ARGLU1: variants seen among roughly 807,000 people sequenced by gnomAD.
ARGLU1 encodes arginine and glutamate rich 1.
Under a neutral mutation model 37.6 loss-of-function variants are expected in ARGLU1, and 9 were observed. That is an observed-to-expected ratio of 0.24 (90% confidence interval 0.14 to 0.42). The LOEUF is 0.42. ARGLU1 is among the 10% of genes least tolerant of loss of function. The pLI is 1.00. For synonymous variants in ARGLU1, 166 were observed against 138.5 expected, an observed-to-expected ratio of 1.20 and a Z score of -1.39; for missense variants, 211 against 359.2, an observed-to-expected ratio of 0.59 and a Z score of 3.34.
In ARGLU1 at chr13:106,568,053, G is replaced by C; in HGVS notation, c.-134C>G. 1 of 1,348,514 alleles carries C rather than the reference G, an allele frequency of 7.4e-7. No homozygotes were observed. The highest frequency in any genetic ancestry group is 9.7e-7 in the Non-Finnish European group (1 of 1,034,764). 83.5% of individuals were successfully genotyped at this position (1,348,514 alleles called of 1,614,324 possible). A position where few individuals can be genotyped will look rare whatever the true frequency, so the allele number is the denominator to read the frequency against. On this transcript the variant is annotated 5_prime_UTR_variant, in exon 1 of 4. Transcript: ENST00000400198. ...AAAGGTGTCGGCCAACGGACTTTATGCCTTTTCCCGGCGTCTACAGCTGCC... is the reference window on the plus strand; with the variant it reads ...AAAGGTGTCGGCCAACGGACTTTATCCCTTTTCCCGGCGTCTACAGCTGCC...
Position 106,557,236 on chromosome 13 carries a change from TA to T in ARGLU1, c.574-106del. 1 of 936,210 alleles carries T rather than the reference TA, an allele frequency of 1.1e-6. No homozygotes were observed. 58.0% of individuals were successfully genotyped at this position (936,210 alleles called of 1,614,324 possible). A position where few individuals can be genotyped will look rare whatever the true frequency, so the allele number is the denominator to read the frequency against. ...AACTTTTTTGATATGACTTACAGGG[TA>T]GCTTTATAGCTACCTTCTGTCTGAC... On this transcript the variant is annotated intron_variant, in intron 2 of 3. Transcript: ENST00000400198. The surrounding 1 kb of genome is among the most constrained non-coding windows in gnomAD (Gnocchi z 5.0).
rs1880998869 is a variant in ARGLU1, at chr13:106,567,412, C to T, written c.347+161G>A. On this transcript the variant is annotated intron_variant, in intron 1 of 3. Coordinates refer to ENST00000400198, the MANE Select transcript of ARGLU1 (RefSeq NM_018011.4). The surrounding 1 kb of genome is among the most constrained non-coding windows in gnomAD (Gnocchi z 4.3). ...CCAAGCTTTCCAAACGCCAAGCCTGCCCGCCCCGCCGCCGCCTCTCCGACC... is the reference window on the plus strand; with the variant it reads ...CCAAGCTTTCCAAACGCCAAGCCTGTCCGCCCCGCCGCCGCCTCTCCGACC... Among the ~76,000 whole-genome samples the T allele has an allele frequency of 6.6e-6, 1 of 151,998 alleles. No individual in the cohort carries two copies. The highest frequency in any genetic ancestry group is 1.5e-5 in the Non-Finnish European group (1 of 67,962).
chr13:106,557,951 A>G lies in ARGLU1; in HGVS notation c.574-820T>C. Reference sequence around the variant, plus strand: ...TGAAACTCAGAAATCCAGGGGATGCATGGTCAGGAAATAAAATTCTTCAAC... The same window carrying G: ...TGAAACTCAGAAATCCAGGGGATGCGTGGTCAGGAAATAAAATTCTTCAAC... On this transcript the variant is annotated intron_variant, in intron 2 of 3. Coordinates refer to ENST00000400198, the MANE Select transcript of ARGLU1 (RefSeq NM_018011.4). The surrounding 1 kb of genome is among the most constrained non-coding windows in gnomAD (Gnocchi z 5.0). 1 of 985,456 alleles carries G rather than the reference A, an allele frequency of 1.0e-6. No individual in the cohort carries two copies. The highest frequency in any genetic ancestry group is 1.2e-6 in the Non-Finnish European group (1 of 829,942). 61.0% of individuals were successfully genotyped at this position (985,456 alleles called of 1,614,324 possible).
intron 1 of ARGLU1, among the ~76,000 whole-genome samples, chr13:106,565,757 G>A (rs1880945522): frequency 2.0e-5 from 3 of 152,156 alleles, no homozygotes; most frequent in African/African-American, 7.2e-5. Flanking sequence ...GAGTACAGGT[G>A]GCTGCTAGTC....
intron 3 of ARGLU1, among the ~76,000 whole-genome samples, chr13:106,552,557 T>C (rs757852187): frequency 5.9e-5 from 9 of 152,178 alleles, no homozygotes; most frequent in Non-Finnish European, 1.0e-4. Flanking sequence ...TTTTATTCTA[T>C]AGCAAAATCT....
intron 3 of ARGLU1, among the ~76,000 whole-genome samples, chr13:106,547,776 G>T (rs922064568): frequency 1.5e-5 from 2 of 137,144 alleles, no homozygotes; most frequent in African/African-American, 5.5e-5. Flanking sequence ...TGGGGATTGG[G>T]TTGGGGGTAA....
chr13:106,563,863 C>G (rs762658691), intron 1 of ARGLU1, among the ~76,000 whole-genome samples: 3 of 151,630 alleles, frequency 2.0e-5, no homozygotes, highest in Admixed American at 1.3e-4. Context: ...GCCCTTAATC[C>G]GTCATCCAGT....
intron 3 of ARGLU1, among the ~76,000 whole-genome samples, chr13:106,551,295 C>T (rs1397105710): frequency 6.6e-6 from 1 of 152,162 alleles, no homozygotes; most frequent in Non-Finnish European, 1.5e-5. Flanking sequence ...GCTGCAACTT[C>T]AACACTTACT....
At chr13:106,549,268 A>T (rs1880473793) in intron 3 of ARGLU1, among the ~76,000 whole-genome samples, 1 of 152,240 alleles carries the variant, frequency 6.6e-6, no homozygotes, top group Non-Finnish European at 1.5e-5. Flanking sequence ...TGATTATAGA[A>T]ATGGATGAAA....
rs1487137211 is a variant in ARGLU1 at position 106,555,746 on chromosome 13, GGCCAA to G, written c.657+1297_657+1301del. On this transcript the variant is annotated intron_variant, in intron 3 of 3. Coordinates refer to ENST00000400198, the MANE Select transcript of ARGLU1 (RefSeq NM_018011.4). ...ATAGAGGACTGTAAGAATGCAAGGAGGCCAAGCCGTCCCTAGCTACCACAGGGTCA... is the reference window on the plus strand; with the variant it reads ...ATAGAGGACTGTAAGAATGCAAGGAGGCCGTCCCTAGCTACCACAGGGTCA... Among the ~76,000 whole-genome samples, 4 of 152,096 alleles carry G rather than the reference GGCCAA, an allele frequency of 2.6e-5. No individual in the cohort carries two copies. The East Asian group carries it at 7.7e-4, about 29-fold the overall frequency.
chr13:106,545,263 T>C (rs1880361364), intron 3 of ARGLU1, among the ~76,000 whole-genome samples: 1 of 152,196 alleles, frequency 6.6e-6, no homozygotes, highest in South Asian at 2.1e-4. Context: ...TCTAACCCTT[T>C]TTAATATCAG....
intron 1 of ARGLU1, among the ~76,000 whole-genome samples, chr13:106,563,031 C>T (rs1218996374): frequency 7.0e-6 from 1 of 142,662 alleles, no homozygotes; most frequent in Non-Finnish European, 1.5e-5. Context: ...CCACTAGTCA[C>T]ACTGAACTTT....
At position 106,543,936 on chromosome 13, in the gene ARGLU1, C is replaced by T; in HGVS notation, c.*60G>A. On this transcript the variant is annotated 3_prime_UTR_variant, in exon 4 of 4. Transcript: ENST00000400198. The stretch of plus-strand genomic sequence containing the variant: ...AAACAAAAACAAAAAACCACTTCAA[C>T]ATGAAGCTACCATACAAAGTTTTTC... 1.3e-6 allele frequency: 2 copies of T among 1,481,692 alleles called. No homozygotes were observed. The highest frequency in any genetic ancestry group is 1.8e-6 in the Non-Finnish European group (2 of 1,110,914). The allele number at this position is 1,481,692 out of a possible 1,614,324, so 91.8% of individuals were successfully genotyped here.
intron 1 of ARGLU1, among the ~76,000 whole-genome samples, chr13:106,562,847 TAAATAAA>T (rs558083154): frequency 8.3e-5 from 11 of 132,214 alleles, no homozygotes; most frequent in African/African-American, 2.1e-4. Flanking sequence ...AATAAATAAA[TAAATAAA>T]AAATAAAAAT....
At chr13:106,550,171 C>A (rs939714801) in intron 3 of ARGLU1, among the ~76,000 whole-genome samples, 3 of 152,142 alleles carry the variant, frequency 2.0e-5, no homozygotes, top group Non-Finnish European at 4.4e-5. Context: ...CTTTCCCCTG[C>A]GTCCCGGCTT....
intron 1 of ARGLU1, among the ~76,000 whole-genome samples, chr13:106,562,694 T>A (rs908733823): frequency 1.3e-5 from 2 of 152,072 alleles, no homozygotes; most frequent in African/African-American, 4.8e-5. Context: ...CTCAGGTATT[T>A]TAAAAACACT....
At chr13:106,564,251 G>A (rs930166040) in intron 1 of ARGLU1, among the ~76,000 whole-genome samples, 1 of 152,212 alleles carries the variant, frequency 6.6e-6, no homozygotes, top group Non-Finnish European at 1.5e-5. Flanking sequence ...CTGGCTCCAT[G>A]TAAGTTAGTT....
Position 106,568,110 on chromosome 13 carries a change from C to A in ARGLU1, c.-191G>T. On this transcript the variant is annotated 5_prime_UTR_variant, in exon 1 of 4. Transcript: ENST00000400198. ...GCCGCCTCCAACGAGAAACCCGTAG[C>A]GCCAGGCGCCCCTAAGATGGCAGCT... The A allele has an allele frequency of 1.2e-6, 1 of 850,718 alleles. No homozygotes were observed. The highest frequency in any genetic ancestry group is 3.2e-5 in the East Asian group (1 of 31,554). 52.7% of individuals were successfully genotyped at this position (850,718 alleles called of 1,614,324 possible). A position where few individuals can be genotyped will look rare whatever the true frequency, so the allele number is the denominator to read the frequency against.
In ARGLU1 at chr13:106,543,945, A is replaced by G. The variant is rs1228976997; in HGVS notation, c.*51T>C. 1 of 1,503,594 alleles carries G rather than the reference A, an allele frequency of 6.7e-7. No homozygotes were observed. Among genetic ancestry groups the G allele is most frequent in the Non-Finnish European group, 8.9e-7 (1 of 1,124,844 alleles). 93.1% of individuals were successfully genotyped at this position (1,503,594 alleles called of 1,614,324 possible). On this transcript the variant is annotated 3_prime_UTR_variant, in exon 4 of 4. Transcript: ENST00000400198. Reference sequence around the variant, plus strand: ...CAAAAAACCACTTCAACATGAAGCTACCATACAAAGTTTTTCCATTTTTCT... The same window carrying G: ...CAAAAAACCACTTCAACATGAAGCTGCCATACAAAGTTTTTCCATTTTTCT...
Sources: allele counts gnomAD v4.1 joint callset (sites outside exome capture counted in the v4.1 genomes callset), GRCh38; gene constraint gnomAD v4.1.1; non-coding constraint Gnocchi (gnomAD v3.1); transcripts MANE v1.5; gene names NCBI Gene and HGNC (gene_info 2026-07-23, HGNC 2026-07-21).